The following STAT1 variants were observed in gnomAD, a reference collection of about 807,000 sequenced individuals.
STAT1 encodes the protein signal transducer and activator of transcription 1-alpha/beta.
A neutral mutation model predicts 111.7 loss-of-function variants in STAT1; 24 were observed. The observed-to-expected ratio is 0.21, with a 90% confidence interval of 0.16 to 0.30. STAT1 has a LOEUF of 0.30. Among genes scored for constraint, STAT1 ranks in the 10% least tolerant of loss-of-function variants. The pLI is 1.00. For missense variants in STAT1, 351 were observed against 911.9 expected (o/e 0.38, Z 7.92); for synonymous variants, 332 against 326.5 (o/e 1.02, Z -0.18).
chr2:190,985,739 G>A, intron 14 of STAT1, 79 bp from the exon 15 acceptor site: 2 of 1,429,220 alleles, frequency 1.4e-6, no homozygotes, highest in Non-Finnish European at 2.0e-6. Context: ...TGAGAACAAA[G>A]TTAGGACTAG....
rs749245387 is a variant in STAT1, at chr2:191,001,126, T to G, written c.410A>C (p.Asp137Ala). The change falls in exon 6 of 25, where the codon GAC becomes GCC. Residue 137 changes from aspartate to alanine, a missense_variant. Physicochemically the swap from Asp to Ala is moderately radical, Grantham distance 126. Coordinates refer to ENST00000361099, the MANE Select transcript of STAT1 (RefSeq NM_007315.4). ...TTTACTGTCAAGCTCTTTCTGTTTG[T>G]CTAACATCACTGTGCTCTGAATATT... ...SGNIQSTVML[D>A]KQKELDSKVR... 6.2e-6 allele frequency: 10 copies of G among 1,614,032 alleles called. No homozygotes were observed. Among genetic ancestry groups the G allele is most frequent in the Non-Finnish European group, 5.1e-6 (6 of 1,179,986 alleles).
In STAT1 at chr2:190,980,548, CA is replaced by C. The variant is rs1320036937; in HGVS notation, c.1632+71del. 7 of 1,523,640 alleles carry C rather than the reference CA, an allele frequency of 4.6e-6. No individual in the cohort carries two copies. The East Asian group carries it at 1.3e-4, about 29-fold the overall frequency. The allele number at this position is 1,523,640 out of a possible 1,614,324, so 94.4% of individuals were successfully genotyped here. Reference sequence around the variant, plus strand: ...TAAGCAAACAGTTAAGTAACTATCACAGCAAGAAACATGAGAACCTCAACCA... The same window carrying C: ...TAAGCAAACAGTTAAGTAACTATCACGCAAGAAACATGAGAACCTCAACCA... On this transcript the variant is annotated intron_variant, in intron 19 of 24. Coordinates refer to ENST00000361099, the MANE Select transcript of STAT1 (RefSeq NM_007315.4). The surrounding 1 kb of genome is among the most constrained non-coding windows in gnomAD (Gnocchi z 6.1).
Position 190,970,457 on chromosome 2 carries a change from C to G in STAT1, c.*246G>C, listed in dbSNP as rs984653102. The G allele has an allele frequency of 1.8e-6, 1 of 567,390 alleles. No individual in the cohort carries two copies. Among genetic ancestry groups the G allele is most frequent in the Non-Finnish European group, 3.2e-6 (1 of 314,454 alleles). The allele number at this position is 567,390 out of a possible 1,614,324, so 35.1% of individuals were successfully genotyped here. A position where few individuals can be genotyped will look rare whatever the true frequency, so the allele number is the denominator to read the frequency against. ...TTTGGGTGTATCTGGATGTTTTTCACTTGTGAAACCCACTCTTCAGAGAAT... is the reference window on the plus strand; with the variant it reads ...TTTGGGTGTATCTGGATGTTTTTCAGTTGTGAAACCCACTCTTCAGAGAAT... On this transcript the variant is annotated 3_prime_UTR_variant, in exon 25 of 25. Coordinates refer to ENST00000361099, the MANE Select transcript of STAT1 (RefSeq NM_007315.4). The surrounding 1 kb of genome is among the most constrained non-coding windows in gnomAD (Gnocchi z 5.4).
In STAT1 at chr2:191,000,280, A is replaced by G. The variant is rs1368807960; in HGVS notation, c.463-576T>C. Among the ~76,000 whole-genome samples the G allele has an allele frequency of 6.6e-6, 1 of 152,148 alleles. No homozygotes were observed. The highest frequency in any genetic ancestry group is 1.5e-5 in the Non-Finnish European group (1 of 68,024). On this transcript the variant is annotated intron_variant, in intron 6 of 24. Coordinates refer to ENST00000361099, the MANE Select transcript of STAT1 (RefSeq NM_007315.4). The surrounding 1 kb of genome is among the most constrained non-coding windows in gnomAD (Gnocchi z 4.8). ...TCCACATATTCTTCTCTGGATTTCC[A>G]TGGCTATTTCTGGACTGGGCTCACT...
intron 10 of STAT1, chr2:190,992,629 G>A (rs1394431130): frequency 6.1e-6 from 7 of 1,143,078 alleles, no homozygotes; most frequent in Non-Finnish European, 1.1e-6. Flanking sequence ...GAAAAGGATG[G>A]AGGCAAATTT....
Position 190,981,490 on chromosome 2 carries a change from A to C in STAT1, c.1583-821T>G, listed in dbSNP as rs767679713. Among the ~76,000 whole-genome samples the C allele has an allele frequency of 6.6e-6, 1 of 152,206 alleles. No homozygotes were observed. The highest frequency in any genetic ancestry group is 2.4e-5 in the African/African-American group (1 of 41,440). On this transcript the variant is annotated intron_variant, in intron 18 of 24. Transcript: ENST00000361099. The surrounding 1 kb of genome is among the most constrained non-coding windows in gnomAD (Gnocchi z 4.1). ...AAGCCCATTATCGGTCTTCAAAGAG[A>C]ACTACAAATGAGCCATTACAGCTAG...
chr2:190,977,222 G>A lies in STAT1; in HGVS notation c.1874-197C>T, dbSNP rs1229764029. 1.3e-5 allele frequency among the ~76,000 whole-genome samples: 2 copies of A among 152,050 alleles called. No individual in the cohort carries two copies. The highest frequency in any genetic ancestry group is 2.4e-5 in the African/African-American group (1 of 41,396). Reference sequence around the variant, plus strand: ...ACTGTCTCAGGGAAAATAAAGGGAGGTATTATTCTCAATAACATTCTATTT... The same window carrying A: ...ACTGTCTCAGGGAAAATAAAGGGAGATATTATTCTCAATAACATTCTATTT... On this transcript the variant is annotated intron_variant, in intron 21 of 24. Transcript: ENST00000361099. This position sits in a 1 kb window ranked among gnomAD's most constrained non-coding sequence, Gnocchi z 4.7.
Position 190,984,176 on chromosome 2 carries a change from G to T in STAT1, c.1347+134C>A. 1 of 753,558 alleles carries T rather than the reference G, an allele frequency of 1.3e-6. No homozygotes were observed. The highest frequency in any genetic ancestry group is 2.3e-6 in the Non-Finnish European group (1 of 437,182). 46.7% of individuals were successfully genotyped at this position (753,558 alleles called of 1,614,324 possible). A position where few individuals can be genotyped will look rare whatever the true frequency, so the allele number is the denominator to read the frequency against. ...TGGACCATAAATTAAGGTTAAGATA[G>T]TATTAGCTGAAAAAGATCATTTTAA... On this transcript the variant is annotated intron_variant, in intron 16 of 24. Coordinates refer to ENST00000361099, the MANE Select transcript of STAT1 (RefSeq NM_007315.4). The surrounding 1 kb of genome is among the most constrained non-coding windows in gnomAD (Gnocchi z 5.2).
chr2:190,998,033 G>A lies in STAT1; in HGVS notation c.634-26C>T. ...CTAAAGGCAATAGAAGAAACAAAGT[G>A]AAATAAATTCATTTTTAATCACTGA... On this transcript the variant is annotated intron_variant, in intron 8 of 24. Transcript: ENST00000361099. This position sits in a 1 kb window ranked among gnomAD's most constrained non-coding sequence, Gnocchi z 4.1. 6.2e-7 allele frequency: 1 copy of A among 1,612,540 alleles called. No individual in the cohort carries two copies. The highest frequency in any genetic ancestry group is 1.1e-5 in the South Asian group (1 of 90,884).
rs45449693 is a variant in STAT1, at chr2:190,970,042, A to G, written c.*661T>C. On this transcript the variant is annotated 3_prime_UTR_variant, in exon 25 of 25. Coordinates refer to ENST00000361099, the MANE Select transcript of STAT1 (RefSeq NM_007315.4). The surrounding 1 kb of genome is among the most constrained non-coding windows in gnomAD (Gnocchi z 5.4). ...TTAGCTAGTGTCATTAAGCCATAAC[A>G]AACAGTAAAGCTAATATTCTCTTCT... 117 of 157,130 alleles carry G rather than the reference A, an allele frequency of 7.4e-4. 2 individuals carry two copies. In the South Asian group the frequency reaches 0.02, roughly 27 times the overall value. 9.7% of individuals were successfully genotyped at this position (157,130 alleles called of 1,614,324 possible). A position where few individuals can be genotyped will look rare whatever the true frequency, so the allele number is the denominator to read the frequency against.
chr2:191,010,354 C>T (rs1269321900), intron 2 of STAT1: 1 of 473,430 alleles, frequency 2.1e-6, no homozygotes, highest in South Asian at 1.5e-5. Flanking sequence ...ACTTACACCA[C>T]CATCTGACCT....
rs745543087 is a variant in STAT1 at position 190,986,954 on chromosome 2, A to G, written c.1128-7T>C. 6 of 1,613,198 alleles carry G rather than the reference A, an allele frequency of 3.7e-6. No homozygotes were observed. The highest frequency in any genetic ancestry group is 1.7e-5 in the Admixed American group (1 of 60,028). On this transcript the variant is annotated splice_polypyrimidine_tract_variant and splice_region_variant and intron_variant, in intron 13 of 24. Coordinates refer to ENST00000361099, the MANE Select transcript of STAT1 (RefSeq NM_007315.4). The surrounding 1 kb of genome is among the most constrained non-coding windows in gnomAD (Gnocchi z 5.0). ...AATGTTGAACTTCCTAAATCTATAC[A>G]ATATAGGAAAGAAATGCTGAAAAGT...
At position 190,970,573 on chromosome 2, in the gene STAT1, G is replaced by T. The variant is rs1197872838; in HGVS notation, c.*130C>A. The T allele has an allele frequency of 2.0e-6, 2 of 994,504 alleles. No individual in the cohort carries two copies. Among genetic ancestry groups the T allele is most frequent in the African/African-American group, 3.2e-5 (2 of 62,172 alleles). 61.6% of individuals were successfully genotyped at this position (994,504 alleles called of 1,614,324 possible). On this transcript the variant is annotated 3_prime_UTR_variant, in exon 25 of 25. Transcript: ENST00000361099. This position sits in a 1 kb window ranked among gnomAD's most constrained non-coding sequence, Gnocchi z 5.4. ...GAGAAAAATTCACTTGCTATCAACA[G>T]GTTGCAGCGAATTTGCTGGCCTTTC...
intron 2 of STAT1, among the ~76,000 whole-genome samples, chr2:191,013,109 G>T (rs1399565702): frequency 2.0e-5 from 3 of 152,174 alleles, no homozygotes; most frequent in Admixed American, 6.5e-5. Context: ...CTATGTGCTC[G>T]AAACAGTTTG....
chr2:190,975,675 G>A lies in STAT1; in HGVS notation c.2135+137C>T. Reference sequence around the variant, plus strand: ...AAAATGCTGATAGGCAGTAACACGGGGATCTCAACAAGTTCAGCTGTGATG... The same window carrying A: ...AAAATGCTGATAGGCAGTAACACGGAGATCTCAACAAGTTCAGCTGTGATG... On this transcript the variant is annotated intron_variant, in intron 23 of 24. Coordinates refer to ENST00000361099, the MANE Select transcript of STAT1 (RefSeq NM_007315.4). The surrounding 1 kb of genome is among the most constrained non-coding windows in gnomAD (Gnocchi z 5.9). 2.0e-6 allele frequency: 3 copies of A among 1,523,670 alleles called. No homozygotes were observed. Among genetic ancestry groups the A allele is most frequent in the Non-Finnish European group, 2.6e-6 (3 of 1,137,654 alleles). 94.4% of individuals were successfully genotyped at this position (1,523,670 alleles called of 1,614,324 possible).
intron 2 of STAT1, chr2:191,010,257 T>C (rs1695021088): frequency 2.0e-6 from 1 of 499,194 alleles, no homozygotes; most frequent in East Asian, 5.3e-5. Flanking sequence ...CAGGGCAGCC[T>C]TCTCTGGCCT....
In STAT1 at chr2:190,971,090, G is replaced by A. The variant is rs559974344; in HGVS notation, c.2239-373C>T. Among the ~76,000 whole-genome samples, 1 of 152,264 alleles carries A rather than the reference G, an allele frequency of 6.6e-6. No homozygotes were observed. Among genetic ancestry groups the A allele is most frequent in the Non-Finnish European group, 1.5e-5 (1 of 68,004 alleles). On this transcript the variant is annotated intron_variant, in intron 24 of 24. Coordinates refer to ENST00000361099, the MANE Select transcript of STAT1 (RefSeq NM_007315.4). The surrounding 1 kb of genome is among the most constrained non-coding windows in gnomAD (Gnocchi z 4.1). ...ATGCCAGAGGGAGAGAGGAAGGAGA[G>A]GGAAATGATACACTTCCCCTAAAGG...
chr2:190,983,842 G>C lies in STAT1; in HGVS notation c.1348-102C>G. On this transcript the variant is annotated intron_variant, in intron 16 of 24. Transcript: ENST00000361099. The surrounding 1 kb of genome is among the most constrained non-coding windows in gnomAD (Gnocchi z 5.7). ...AAAGCAGGGGATTATTTGTAAATTT[G>C]TACATATTTAATACTTGAAAATGAG... 1 of 983,762 alleles carries C rather than the reference G, an allele frequency of 1.0e-6. No individual in the cohort carries two copies. Among genetic ancestry groups the C allele is most frequent in the Non-Finnish European group, 1.6e-6 (1 of 623,082 alleles). The allele number at this position is 983,762 out of a possible 1,614,324, so 60.9% of individuals were successfully genotyped here.
At position 190,978,699 on chromosome 2, in the gene STAT1, G is replaced by A. The variant is rs1692102132; in HGVS notation, c.1873+157C>T. 2.2e-6 allele frequency: 2 copies of A among 902,992 alleles called. No individual in the cohort carries two copies. The highest frequency in any genetic ancestry group is 1.7e-6 in the Non-Finnish European group (1 of 576,628). The allele number at this position is 902,992 out of a possible 1,614,324, so 55.9% of individuals were successfully genotyped here. A position where few individuals can be genotyped will look rare whatever the true frequency, so the allele number is the denominator to read the frequency against. ...TGAACCACAACCACAAACATTTGTG[G>A]TGGTTTATTAAATCCTATCGGGGGC... On this transcript the variant is annotated intron_variant, in intron 21 of 24. Transcript: ENST00000361099. The surrounding 1 kb of genome is among the most constrained non-coding windows in gnomAD (Gnocchi z 6.1).
Sources: gnomAD v4.1 joint callset for allele counts (sites outside exome capture counted in the v4.1 genomes callset) on GRCh38, gnomAD v4.1.1 for gene constraint, Gnocchi (gnomAD v3.1) non-coding constraint, MANE v1.5 for transcripts, NCBI Gene and HGNC (gene_info 2026-07-23, HGNC 2026-07-21) for gene names.